IDH2: variants seen among roughly 807,000 people sequenced by gnomAD.
IDH2 encodes isocitrate dehydrogenase (NADP(+)) 2.
A neutral mutation model predicts 50.5 loss-of-function variants in IDH2; 18 were observed. The observed-to-expected ratio is 0.36, with a 90% CI of 0.25 to 0.53. The LOEUF (loss-of-function observed/expected upper bound fraction) is 0.53. Ranked by LOEUF, IDH2 falls within the 20% of genes least tolerant of loss-of-function variation. IDH2 has a pLI of 0.92. For synonymous variants in IDH2, 280 were observed against 239.8 expected, an observed-to-expected ratio of 1.17 and a Z score of -1.55; for missense variants, 518 against 610.7, an observed-to-expected ratio of 0.85 and a Z score of 1.60.
At chr15:90,090,914 C>T (rs1363061504) in intron 2 of IDH2, among the ~76,000 whole-genome samples, 2 of 152,144 alleles carry the variant, frequency 1.3e-5, no homozygotes, top group Non-Finnish European at 2.9e-5. Flanking sequence ...TGCCTGTGTG[C>T]CCCCCTCACA....
chr15:90,084,842 C>T lies in IDH2; in HGVS notation c.1245G>A (p.Leu415=). ...TVESGAMTKD[L]AGCIHGLSNV... is the part of the protein sequence containing the mutation. ...TGCTGAGGCCGTGAATGCAGCCCGC[C>T]AGGTCCTTGGTCATGGCTCCACTCT... The change falls in exon 10 of 11, where the codon CTG becomes CTA. Residue 415 remains leucine, a synonymous_variant. Transcript: ENST00000330062. This position sits in a 1 kb window ranked among gnomAD's most constrained non-coding sequence, Gnocchi z 5.0. The T allele has an allele frequency of 6.2e-7, 1 of 1,614,048 alleles. No homozygotes were observed. The highest frequency in any genetic ancestry group is 8.5e-7 in the Non-Finnish European group (1 of 1,180,006).
At chr15:90,088,824 C>G (rs2151550146) in intron 3 of IDH2, 77 bp from the exon 4 acceptor site, 2 of 1,520,566 alleles carry the variant, frequency 1.3e-6, no homozygotes, top group Non-Finnish European at 9.1e-7. Context: ...AGCAACAACA[C>G]AGCCAGACGG....
rs143060106 is a variant in IDH2 at position 90,090,379 on chromosome 15, G to A, written c.373+100C>T. The A allele has an allele frequency of 2.5e-3, 3,321 of 1,322,402 alleles. 82 individuals are homozygous for A. The Admixed American group carries it at 0.045, about 18-fold the overall frequency. 81.9% of individuals were successfully genotyped at this position (1,322,402 alleles called of 1,614,324 possible). A position where few individuals can be genotyped will look rare whatever the true frequency, so the allele number is the denominator to read the frequency against. On this transcript the variant is annotated intron_variant, in intron 3 of 10. Transcript: ENST00000330062. ...TGGAGCCTCCCAACCTCCCAGTCCC[G>A]AGATGAGTGACATGGCCAACTGCCC...
Position 90,088,259 on chromosome 15 carries a change from C to A in IDH2, c.678+100G>T, listed in dbSNP as rs111801942. Reference sequence around the variant, plus strand: ...GGTGGCCATTTCTGCCTCTTTGTGGCCTAAGAATGAGGCCATTACAGAAGA... The same window carrying A: ...GGTGGCCATTTCTGCCTCTTTGTGGACTAAGAATGAGGCCATTACAGAAGA... On this transcript the variant is annotated intron_variant, in intron 5 of 10. Coordinates refer to ENST00000330062, the MANE Select transcript of IDH2 (RefSeq NM_002168.4). 7,482 of 1,473,570 alleles carry A rather than the reference C, an allele frequency of 5.1e-3. 70 individuals carry two copies. The highest frequency in any genetic ancestry group is 0.017 in the South Asian group (1,471 of 87,934). 91.3% of individuals were successfully genotyped at this position (1,473,570 alleles called of 1,614,324 possible).
Position 90,084,669 on chromosome 15 carries a change from T to G in IDH2, c.1271+147A>C. Reference sequence around the variant, plus strand: ...CTCACTAGACCTGGTCTACAGAGGCTGGCCTGAGCAGTCTCTCAGGGCTGT... The same window carrying G: ...CTCACTAGACCTGGTCTACAGAGGCGGGCCTGAGCAGTCTCTCAGGGCTGT... On this transcript the variant is annotated intron_variant, in intron 10 of 10. Transcript: ENST00000330062. This position sits in a 1 kb window ranked among gnomAD's most constrained non-coding sequence, Gnocchi z 5.0. 1 of 751,998 alleles carries G rather than the reference T, an allele frequency of 1.3e-6. No homozygotes were observed. Among genetic ancestry groups the G allele is most frequent in the Middle Eastern group, 3.7e-4 (1 of 2,730 alleles). The allele number at this position is 751,998 out of a possible 1,614,324, so 46.6% of individuals were successfully genotyped here.
At chr15:90,090,770 C>A in intron 2 of IDH2, 126 bp from the exon 3 acceptor site, 1 of 992,360 alleles carries the variant, frequency 1.0e-6, no homozygotes, top group Non-Finnish European at 1.6e-6. Flanking sequence ...GAGTGAAGGC[C>A]AGTGGAGGGG....
chr15:90,093,923 A>T (rs1171186576), intron 1 of IDH2, among the ~76,000 whole-genome samples: 3 of 151,988 alleles, frequency 2.0e-5, no homozygotes, highest in Admixed American at 2.0e-4. Context: ...CCTGGCCATT[A>T]TCTCCATTTT....
At chr15:90,092,186 C>T (rs958564804) in intron 1 of IDH2, among the ~76,000 whole-genome samples, 3 of 152,074 alleles carry the variant, frequency 2.0e-5, no homozygotes, top group African/African-American at 7.2e-5. Context: ...ATAAAGTGCA[C>T]AATAAATGTA....
chr15:90,084,838 C>T lies in IDH2; in HGVS notation c.1249G>A (p.Gly417Ser), dbSNP rs776562578. 2.1e-5 allele frequency: 34 copies of T among 1,613,828 alleles called. No individual in the cohort carries two copies. Among genetic ancestry groups the T allele is most frequent in the Non-Finnish European group, 2.8e-5 (33 of 1,179,950 alleles). The change falls in exon 10 of 11, where the codon GGC becomes AGC. Residue 417 changes from glycine (G) to serine (S), a missense_variant. Gly to Ser is a moderately conservative substitution (Grantham distance 56). This residue lies in a region of IDH2 where 135 missense variants were observed against 167.6 expected (regional missense o/e 0.81). Transcript: ENST00000330062. This position sits in a 1 kb window ranked among gnomAD's most constrained non-coding sequence, Gnocchi z 5.0. The stretch of plus-strand genomic sequence containing the variant: ...CACTTGCTGAGGCCGTGAATGCAGC[C>T]CGCCAGGTCCTTGGTCATGGCTCCA... The part of the protein sequence containing the change: ...ESGAMTKDLA[G>S]CIHGLSNVKL...
intron 1 of IDH2, among the ~76,000 whole-genome samples, chr15:90,097,126 C>G (rs552542759): frequency 9.9e-5 from 15 of 152,268 alleles, no homozygotes; most frequent in African/African-American, 3.4e-4. Flanking sequence ...TACAGTCCCC[C>G]CTTATCAAAG....
chr15:90,098,527 C>CATGCATGCATGTATGTATGT lies in IDH2; in HGVS notation c.115+3748_115+3749insACATACATACATGCATGCAT, dbSNP rs1901242256. ...TTATGTATGTATGTATGTATGTATG[C>CATGCATGCATGTATGTATGT]ATGCATGTATGTATGTATGTATGTA... On this transcript the variant is annotated intron_variant, in intron 1 of 10. Coordinates refer to ENST00000330062, the MANE Select transcript of IDH2 (RefSeq NM_002168.4). This position sits in a 1 kb window ranked among gnomAD's most constrained non-coding sequence, Gnocchi z 5.1. Among the ~76,000 whole-genome samples the CATGCATGCATGTATGTATGT allele has an allele frequency of 3.5e-5, 5 of 144,768 alleles. No homozygotes were observed. Among genetic ancestry groups the CATGCATGCATGTATGTATGT allele is most frequent in the South Asian group, 2.2e-4 (1 of 4,604 alleles). 95.0% of individuals were successfully genotyped at this position (144,768 alleles called of 152,430 possible). A position where few individuals can be genotyped will look rare whatever the true frequency, so the allele number is the denominator to read the frequency against.
At chr15:90,087,014 G>A in intron 7 of IDH2, 98 bp downstream of exon 7, 1 of 1,338,292 alleles carries the variant, frequency 7.5e-7, no homozygotes, top group Non-Finnish European at 1.1e-6. Context: ...AATGAGTCCT[G>A]CTCCACTAGA....
chr15:90,084,471 C>T lies in IDH2; in HGVS notation c.1272-118G>A. The T allele has an allele frequency of 1.1e-6, 1 of 926,592 alleles. No individual in the cohort carries two copies. The highest frequency in any genetic ancestry group is 2.6e-5 in the East Asian group (1 of 38,206). 57.4% of individuals were successfully genotyped at this position (926,592 alleles called of 1,614,324 possible). A position where few individuals can be genotyped will look rare whatever the true frequency, so the allele number is the denominator to read the frequency against. On this transcript the variant is annotated intron_variant, in intron 10 of 10. Transcript: ENST00000330062. This position sits in a 1 kb window ranked among gnomAD's most constrained non-coding sequence, Gnocchi z 5.0. ...ATCAGAACAGCCATCTCCTGCCACCCAGACTACAGGCCAGAGGCCAGCTAT... is the reference window on the plus strand; with the variant it reads ...ATCAGAACAGCCATCTCCTGCCACCTAGACTACAGGCCAGAGGCCAGCTAT...
In IDH2 at chr15:90,102,442, C is replaced by G. The variant is rs1901363746; in HGVS notation, c.-52G>C. The G allele has an allele frequency of 9.7e-7, 1 of 1,034,430 alleles. No homozygotes were observed. Among genetic ancestry groups the G allele is most frequent in the African/African-American group, 1.7e-5 (1 of 59,784 alleles). The allele number at this position is 1,034,430 out of a possible 1,614,324, so 64.1% of individuals were successfully genotyped here. A position where few individuals can be genotyped will look rare whatever the true frequency, so the allele number is the denominator to read the frequency against. On this transcript the variant is annotated 5_prime_UTR_variant, in exon 1 of 11. Coordinates refer to ENST00000330062, the MANE Select transcript of IDH2 (RefSeq NM_002168.4). The stretch of plus-strand genomic sequence containing the variant: ...GCGGGAGAGGTCCGAGCGCGCGCCG[C>G]TCCTCCCGGCTGCCTGGCCGCGGGC...
intron 1 of IDH2, 32 bp from the exon 2 acceptor site, chr15:90,091,676 C>A: frequency 6.3e-7 from 1 of 1,583,964 alleles, no homozygotes; most frequent in Non-Finnish European, 8.7e-7. Flanking sequence ...GCATCATGCC[C>A]CTGGGGAGGC....
intron 2 of IDH2, among the ~76,000 whole-genome samples, chr15:90,091,054 C>T (rs532575717): frequency 1.1e-3 from 145 of 129,026 alleles, no homozygotes; most frequent in African/African-American, 3.4e-3. Context: ...GTCCCATGAA[C>T]GCACACACAG....
intron 5 of IDH2, 63 bp downstream of exon 5, chr15:90,088,296 C>G (rs949363372): frequency 1.3e-6 from 2 of 1,595,222 alleles, no homozygotes. Context: ...AGGAAAGCCA[C>G]GAGACAGAGA....
chr15:90,090,284 C>T (rs1900997907), intron 3 of IDH2, among the ~76,000 whole-genome samples, 195 bp downstream of exon 3: 1 of 152,194 alleles, frequency 6.6e-6, no homozygotes, highest in Admixed American at 6.5e-5. Context: ...CCTCTGAGGC[C>T]CCACTGTCCA....
chr15:90,098,796 G>C lies in IDH2; in HGVS notation c.115+3480C>G, dbSNP rs1225580490. Among the ~76,000 whole-genome samples the C allele has an allele frequency of 6.6e-6, 1 of 151,978 alleles. No individual in the cohort carries two copies. Reference sequence around the variant, plus strand: ...TGGCCCCAACTGATCCGCCTGCTTCGGCCTCCCAAAGTCCTGGGAGCCACC... The same window carrying C: ...TGGCCCCAACTGATCCGCCTGCTTCCGCCTCCCAAAGTCCTGGGAGCCACC... On this transcript the variant is annotated intron_variant, in intron 1 of 10. Coordinates refer to ENST00000330062, the MANE Select transcript of IDH2 (RefSeq NM_002168.4). This position sits in a 1 kb window ranked among gnomAD's most constrained non-coding sequence, Gnocchi z 5.1.
Sources: gnomAD v4.1 joint callset for allele counts (sites outside exome capture counted in the v4.1 genomes callset) on GRCh38, gnomAD v4.1.1 for gene constraint, gnomAD v4.1.1 regional missense constraint, Gnocchi (gnomAD v3.1) non-coding constraint, MANE v1.5 for transcripts, NCBI Gene and HGNC (gene_info 2026-07-23, HGNC 2026-07-21) for gene names.